Variants in TRIM33 observed in about 807,000 individuals in gnomAD.
The protein encoded by TRIM33 is E3 ubiquitin-protein ligase TRIM33.
TRIM33 carries 20 observed loss-of-function variants against 125.4 expected under a neutral mutation model. The observed-to-expected ratio is 0.16, with a 90% confidence interval of 0.11 to 0.23. TRIM33 has a LOEUF of 0.23. TRIM33 is among the 10% of genes least tolerant of loss of function. The pLI, the probability that TRIM33 is intolerant of heterozygous loss-of-function variation, is 1.00. For synonymous variants in TRIM33, 564 were observed against 513.9 expected (o/e 1.10, Z -1.32); for missense variants, 920 against 1,411.4 (o/e 0.65, Z 5.58).
In TRIM33 at chr1:114,408,702, T is replaced by A; in HGVS notation, c.2233A>T (p.Thr745Ser). Residue 745 changes from threonine to serine, a missense_variant, in exon 13 of 20, where the codon ACT (threonine) becomes TCT (serine). Thr to Ser is a moderately conservative substitution (Grantham distance 58). Transcript: ENST00000358465. ...NSHTPVRPPS[T>S]SSTGSRGSCG... is the part of the protein sequence containing the mutation. The stretch of plus-strand genomic sequence containing the variant: ...CTGCCTCGACTGCCAGTACTAGAAG[T>A]ACTTGGGGGTCTCACAGGTGTGTGA... 3 of 1,605,154 alleles carry A rather than the reference T, an allele frequency of 1.9e-6. No individual in the cohort carries two copies.
intron 4 of TRIM33, among the ~76,000 whole-genome samples, chr1:114,446,086 G>A (rs899176751): frequency 3.3e-5 from 5 of 152,114 alleles, no homozygotes; most frequent in South Asian, 4.1e-4. Context: ...GAACTCCTGA[G>A]CTCAGGCAAT....
At chr1:114,453,635 G>T (rs1378045981) in intron 4 of TRIM33, among the ~76,000 whole-genome samples, 1 of 152,158 alleles carries the variant, frequency 6.6e-6, no homozygotes, top group African/African-American at 2.4e-5. Flanking sequence ...TTTGCCTGGG[G>T]ACTTGAGCCA....
At chr1:114,493,495 A>G (rs1652193273) in intron 1 of TRIM33, among the ~76,000 whole-genome samples, 2 of 152,120 alleles carry the variant, frequency 1.3e-5, no homozygotes, top group African/African-American at 2.4e-5. Context: ...ATGTTGCCCA[A>G]GCTGATCTCA....
chr1:114,505,820 G>A lies in TRIM33; in HGVS notation c.526+4731C>T, dbSNP rs1301817317. Among the ~76,000 whole-genome samples, 4 of 152,094 alleles carry A rather than the reference G, an allele frequency of 2.6e-5. No homozygotes were observed. In the South Asian group the frequency reaches 6.2e-4, roughly 24 times the overall value. On this transcript the variant is annotated intron_variant, in intron 1 of 19. Transcript: ENST00000358465. ...TGACCTCAAGCGATCTGCCCGCCTC[G>A]GCCTCCCAAAGTGCTGGGATCACAG...
Position 114,398,040 on chromosome 1 carries a change from T to G in TRIM33, c.3121-50A>C, listed in dbSNP as rs766807289. On this transcript the variant is annotated intron_variant, in intron 18 of 19. Transcript: ENST00000358465. Reference sequence around the variant, plus strand: ...AAAAAAAAGGGAAATTATAATCCTTTCTAAAGTTATGAGACTGCATAGGAT... The same window carrying G: ...AAAAAAAAGGGAAATTATAATCCTTGCTAAAGTTATGAGACTGCATAGGAT... The G allele has an allele frequency of 1.9e-6, 3 of 1,589,338 alleles. No individual in the cohort carries two copies. The Admixed American group carries it at 5.3e-5, about 28-fold the overall frequency.
At position 114,397,017 on chromosome 1, in the gene TRIM33, T is replaced by C. The variant is rs959131262; in HGVS notation, c.*631A>G. The C allele has an allele frequency of 1.4e-5, 3 of 219,004 alleles. No individual in the cohort carries two copies. Among genetic ancestry groups the C allele is most frequent in the East Asian group, 6.7e-5 (1 of 14,898 alleles). 13.6% of individuals were successfully genotyped at this position (219,004 alleles called of 1,614,324 possible). ...GATTAAATGATAACTAGTGGTAGTG[T>C]TTCCTAAACCCTAAGTATGAGTAGA... On this transcript the variant is annotated 3_prime_UTR_variant, in exon 20 of 20. Transcript: ENST00000358465.
chr1:114,492,189 T>C (rs1463777227), intron 1 of TRIM33, among the ~76,000 whole-genome samples: 1 of 152,198 alleles, frequency 6.6e-6, no homozygotes, highest in Non-Finnish European at 1.5e-5. Flanking sequence ...ATACTGGGGT[T>C]ACAAATAAAT....
At chr1:114,403,070 C>T (rs537014480) in intron 15 of TRIM33, among the ~76,000 whole-genome samples, 187 bp from the exon 16 acceptor site, 4 of 152,242 alleles carry the variant, frequency 2.6e-5, no homozygotes, top group African/African-American at 4.8e-5. Context: ...TTCCTAGTCA[C>T]GCATCAATTG....
intron 4 of TRIM33, among the ~76,000 whole-genome samples, chr1:114,439,480 A>T (rs899233274): frequency 6.7e-6 from 1 of 149,730 alleles, no homozygotes; most frequent in Admixed American, 6.7e-5. Flanking sequence ...AAAAAAAAAA[A>T]AAAAAAAAAA....
intron 14 of TRIM33, among the ~76,000 whole-genome samples, chr1:114,406,081 T>A (rs1288387390): frequency 6.6e-6 from 1 of 152,188 alleles, no homozygotes; most frequent in African/African-American, 2.4e-5. Flanking sequence ...ACACCCCTTT[T>A]CACACCCAGA....
chr1:114,490,038 C>T (rs548074127), intron 1 of TRIM33, among the ~76,000 whole-genome samples: 38 of 139,640 alleles, frequency 2.7e-4, no homozygotes, highest in Non-Finnish European at 4.5e-4. Flanking sequence ...ATTGTTAGGG[C>T]CCAGAAGTTC....
intron 4 of TRIM33, among the ~76,000 whole-genome samples, chr1:114,446,841 G>C (rs1649010788): frequency 6.6e-6 from 1 of 152,136 alleles, no homozygotes; most frequent in African/African-American, 2.4e-5. Flanking sequence ...GATCACACTT[G>C]AGCCCAGGAG....
chr1:114,476,768 T>C (rs1286592048), intron 1 of TRIM33, among the ~76,000 whole-genome samples: 1 of 152,108 alleles, frequency 6.6e-6, no homozygotes, highest in Non-Finnish European at 1.5e-5. Context: ...TAGTAAAATA[T>C]GATTCATCAA....
rs926336971 is a variant in TRIM33, at chr1:114,396,725, T to C, written c.*923A>G. On this transcript the variant is annotated 3_prime_UTR_variant, in exon 20 of 20. Transcript: ENST00000358465. ...TTTTACACATTTGGTAGTTGACAGA[T>C]ACTGTTTGCCAATAGTGGTCTATCA... is the stretch of plus-strand genomic sequence containing the variant. 29 of 207,016 alleles carry C rather than the reference T, an allele frequency of 1.4e-4. No individual in the cohort carries two copies. The highest frequency in any genetic ancestry group is 3.8e-4 in the South Asian group (2 of 5,292). 12.8% of individuals were successfully genotyped at this position (207,016 alleles called of 1,614,324 possible).
intron 1 of TRIM33, among the ~76,000 whole-genome samples, chr1:114,471,380 G>A (rs1650640921): frequency 6.6e-6 from 1 of 151,610 alleles, no homozygotes; most frequent in Admixed American, 6.6e-5. Context: ...GGCGGAGACT[G>A]CAGTGAGCCA....
chr1:114,508,714 C>G (rs1191267762), intron 1 of TRIM33, among the ~76,000 whole-genome samples: 2 of 152,264 alleles, frequency 1.3e-5, no homozygotes, highest in Non-Finnish European at 1.5e-5. Flanking sequence ...CTCCCTCACA[C>G]CAATCTCAAT....
At chr1:114,463,995 C>T (rs753889908) in intron 2 of TRIM33, among the ~76,000 whole-genome samples, 6 of 152,006 alleles carry the variant, frequency 3.9e-5, no homozygotes, top group African/African-American at 9.7e-5. Flanking sequence ...TCTCGAACTC[C>T]GGGGCTCAAG....
intron 5 of TRIM33, among the ~76,000 whole-genome samples, chr1:114,433,285 C>T (rs1648083492): frequency 1.3e-5 from 2 of 152,116 alleles, no homozygotes; most frequent in Admixed American, 1.3e-4. Context: ...ACCCGTGATA[C>T]TCTCTTCTCT....
chr1:114,405,763 A>C lies in TRIM33; in HGVS notation c.2419-4T>G, dbSNP rs878987689. 6.3e-7 allele frequency: 1 copy of C among 1,590,550 alleles called. No homozygotes were observed. Among genetic ancestry groups the C allele is most frequent in the Non-Finnish European group, 8.6e-7 (1 of 1,169,362 alleles). ...AGCTACTCTCAGGACTGCTCAACTA[A>C]AACAAAACGATGACAAATTCTTGAA... On this transcript the variant is annotated splice_polypyrimidine_tract_variant and splice_region_variant and intron_variant, in intron 14 of 19. Coordinates refer to ENST00000358465, the MANE Select transcript of TRIM33 (RefSeq NM_015906.4).
Sources: allele counts gnomAD v4.1 joint callset (sites outside exome capture counted in the v4.1 genomes callset), GRCh38; gene constraint gnomAD v4.1.1; transcripts MANE v1.5; gene names NCBI Gene and HGNC (gene_info 2026-07-23, HGNC 2026-07-21).